The following TULP4 variants were observed in gnomAD, a reference collection of about 807,000 sequenced individuals.
TULP4 encodes the protein TUB like protein 4.
In TULP4, 16 loss-of-function variants were observed where a neutral mutation model predicts 129.0. The ratio of observed to expected loss-of-function variants is 0.12; its 90% CI spans 0.08 to 0.19. TULP4 has a LOEUF of 0.19. Among genes scored for constraint, TULP4 ranks in the 10% least tolerant of loss-of-function variants. The pLI, the probability that TULP4 is intolerant of heterozygous loss-of-function variation, is 1.00. For missense variants in TULP4, 1,842 were observed against 2,059.1 expected (o/e 0.89, Z 2.04); for synonymous variants, 998 against 854.0 (o/e 1.17, Z -2.94).
intron 2 of TULP4, among the ~76,000 whole-genome samples, chr6:158,422,747 A>G (rs922289319): frequency 6.6e-6 from 1 of 152,222 alleles, no homozygotes; most frequent in Non-Finnish European, 1.5e-5. Context: ...CATAGGGCTC[A>G]GGGGATTGGT....
chr6:158,424,882 G>A (rs377521500), intron 2 of TULP4, among the ~76,000 whole-genome samples: 7 of 151,832 alleles, frequency 4.6e-5, no homozygotes, highest in African/African-American at 2.4e-5. Flanking sequence ...GGCTGGGCAC[G>A]GTGGCTCGTA....
upstream of TULP4, among the ~76,000 whole-genome samples, chr6:158,281,098 G>A (rs534219947): frequency 2.0e-5 from 3 of 152,240 alleles, no homozygotes; most frequent in South Asian, 4.1e-4. Context: ...GGGTGTTATC[G>A]GAGGGATATT....
At chr6:158,341,913 T>A (rs1360540951) in intron 1 of TULP4, among the ~76,000 whole-genome samples, 1 of 152,186 alleles carries the variant, frequency 6.6e-6, no homozygotes, top group Non-Finnish European at 1.5e-5. Context: ...GCTTTTTAGC[T>A]TGATGTGATT....
At chr6:158,255,624 C>G (rs1778228870) in intron 1 of TULP4, among the ~76,000 whole-genome samples, 1 of 152,170 alleles carries the variant, frequency 6.6e-6, no homozygotes, top group Admixed American at 6.5e-5. Flanking sequence ...AATTGTTTTG[C>G]TACTGGTCTG....
intron 1 of TULP4, among the ~76,000 whole-genome samples, chr6:158,297,641 T>A (rs188432588): frequency 3.3e-5 from 5 of 152,320 alleles, no homozygotes; most frequent in South Asian, 2.1e-4. Flanking sequence ...CCACGAAATC[T>A]TCATAATTTA....
intron 6 of TULP4, among the ~76,000 whole-genome samples, chr6:158,464,922 A>G (rs1779521524): frequency 6.6e-6 from 1 of 152,198 alleles, no homozygotes; most frequent in Non-Finnish European, 1.5e-5. Context: ...TGCCATTTGC[A>G]GGTTTTGCCA....
chr6:158,350,412 GC>G (rs915023813), intron 1 of TULP4, among the ~76,000 whole-genome samples: 88 of 152,322 alleles, frequency 5.8e-4, no homozygotes, highest in African/African-American at 2.1e-3. Context: ...CCGAGATCAC[GC>G]CACTGCACTC....
chr6:158,321,153 GT>G lies in TULP4; in HGVS notation c.252+6890del, dbSNP rs745592146. ...TGACCACACATTGCTAAACTCATAG[GT>G]TTTTGGTGTTTTGTTTTTGTTTTTA... On this transcript the variant is annotated intron_variant, in intron 1 of 13. Transcript: ENST00000367097. Among the ~76,000 whole-genome samples, 644 of 152,120 alleles carry G rather than the reference GT, an allele frequency of 4.2e-3. 3 individuals carry two copies. The highest frequency in any genetic ancestry group is 7.0e-3 in the Non-Finnish European group (478 of 67,988).
At chr6:158,278,310 A>C (rs1436191374), upstream of TULP4, among the ~76,000 whole-genome samples, 2 of 151,972 alleles carry the variant, frequency 1.3e-5, no homozygotes, top group African/African-American at 4.8e-5. Flanking sequence ...CAAGTCTAGT[A>C]CTGTATCTTT....
At chr6:158,483,923 GTTT>G (rs111713315) in intron 8 of TULP4, among the ~76,000 whole-genome samples, 1 of 144,572 alleles carries the variant, frequency 6.9e-6, no homozygotes, top group Admixed American at 7.0e-5. Flanking sequence ...AGTCCCAGTA[GTTT>G]TTTTTTTTTT....
At chr6:158,350,696 G>C (rs1287971974) in intron 1 of TULP4, among the ~76,000 whole-genome samples, 1 of 152,098 alleles carries the variant, frequency 6.6e-6, no homozygotes, top group African/African-American at 2.4e-5. Context: ...GTACAATCCA[G>C]GCTTGGCAAG....
intron 1 of TULP4, among the ~76,000 whole-genome samples, chr6:158,408,995 A>G (rs781296525): frequency 6.6e-6 from 1 of 152,166 alleles, no homozygotes; most frequent in Non-Finnish European, 1.5e-5. Context: ...GTTGAGAGAA[A>G]TCCTTCTGAA....
At chr6:158,349,811 T>C (rs1043687798) in intron 1 of TULP4, among the ~76,000 whole-genome samples, 1 of 132,622 alleles carries the variant, frequency 7.5e-6, no homozygotes, top group Non-Finnish European at 1.6e-5. Context: ...GCAGAGGCGC[T>C]CCTCACCTCC....
Position 158,490,737 on chromosome 6 carries a change from T to C in TULP4, c.1631+1005T>C, listed in dbSNP as rs117412551. ...TGACTTCCATCATCAGCTTTGCTTG[T>C]TCTTAAACTTCATATGATATGTCAA... On this transcript the variant is annotated intron_variant, in intron 9 of 13. Transcript: ENST00000367097. Among the ~76,000 whole-genome samples the C allele has an allele frequency of 3.0e-4, 45 of 152,320 alleles. 1 individual carries two copies. The East Asian group carries it at 8.7e-3, about 29-fold the overall frequency.
intron 1 of TULP4, among the ~76,000 whole-genome samples, chr6:158,236,795 C>CTTTTCTTTTTTTTTTTTTTTTTTTTT (rs1554272522): frequency 1.3e-4 from 8 of 63,292 alleles, no homozygotes; most frequent in Non-Finnish European, 1.6e-4. Flanking sequence ...CAATTCTTTT[C>CTTTTCTTTTTTTTTTTTTTTTTTTTT]TTTTTTTTTT....
In TULP4 at chr6:158,351,319, C is replaced by T. The variant is rs140387000; in HGVS notation, c.252+37051C>T. 2.4e-4 allele frequency among the ~76,000 whole-genome samples: 36 copies of T among 152,218 alleles called. No homozygotes were observed. The East Asian group carries it at 6.6e-3, about 28-fold the overall frequency. On this transcript the variant is annotated intron_variant, in intron 1 of 13. Transcript: ENST00000367097. The stretch of plus-strand genomic sequence containing the variant: ...CTGAGATGAGCATTTCTTAGCCTTG[C>T]ACTATATATTTTTGTGCCTCAGTTC...
intron 1 of TULP4, among the ~76,000 whole-genome samples, chr6:158,303,080 A>G (rs1779157461): frequency 6.7e-6 from 1 of 149,078 alleles, no homozygotes; most frequent in Admixed American, 6.8e-5. Flanking sequence ...TTGAATGTGT[A>G]TGGTGCAGGT....
At chr6:158,382,717 TTAAA>T (rs1396788128) in intron 1 of TULP4, among the ~76,000 whole-genome samples, 1 of 152,188 alleles carries the variant, frequency 6.6e-6, no homozygotes, top group Non-Finnish European at 1.5e-5. Flanking sequence ...ATGAGGTACT[TTAAA>T]TAACTCAGGG....
intron 1 of TULP4, among the ~76,000 whole-genome samples, chr6:158,343,692 G>T (rs557175787): frequency 6.6e-6 from 1 of 152,280 alleles, no homozygotes; most frequent in South Asian, 2.1e-4. Flanking sequence ...AATTTCTGTG[G>T]TTCATAGCTG....
Sources: allele counts gnomAD v4.1 joint callset (sites outside exome capture counted in the v4.1 genomes callset), GRCh38; gene constraint gnomAD v4.1.1; transcripts MANE v1.5; gene names NCBI Gene and HGNC (gene_info 2026-07-23, HGNC 2026-07-21).